The following FAM209A variants were observed in gnomAD, a reference collection of about 807,000 sequenced individuals.
The protein encoded by FAM209A is family with sequence similarity 209 member A.
Under a neutral mutation model 9.8 loss-of-function variants are expected in FAM209A, and 4 were observed. The observed-to-expected ratio is 0.41, with a 90% CI of 0.20 to 0.94. The LOEUF is 0.94. FAM209A is among the 40% of genes least tolerant of loss of function. The pLI, the probability that FAM209A is intolerant of heterozygous loss-of-function variation, is 0.32. For synonymous variants in FAM209A, 55 were observed against 77.8 expected (o/e 0.71, Z 1.54); for missense variants, 205 against 209.4 (o/e 0.98, Z 0.13).
At position 56,524,942 on chromosome 20, in the gene FAM209A, G is replaced by C. The variant is rs149614912; in HGVS notation, c.134G>C (p.Arg45Pro). Residue 45 changes from arginine (R) to proline (P), a missense_variant, in exon 1 of 2, where the codon CGG (arginine) becomes CCG (proline). By Grantham distance (103) the Arg-to-Pro change is moderately radical (BLOSUM62 -2). Transcript: ENST00000371328. ...CAATACGGAGAGCACTTTCGGATTC[G>C]GCAGAATCTACCAGAGCACACCCAA... ...KVQYGEHFRI[R>P]QNLPEHTQGW... The C allele has an allele frequency of 6.2e-7, 1 of 1,614,060 alleles. No homozygotes were observed. Among genetic ancestry groups the C allele is most frequent in the African/African-American group, 1.3e-5 (1 of 74,924 alleles).
chr20:56,525,981 A>G lies in FAM209A; in HGVS notation c.427A>G (p.Ser143Gly), dbSNP rs1985514504. The G allele has an allele frequency of 6.2e-7, 1 of 1,614,232 alleles. No individual in the cohort carries two copies. The highest frequency in any genetic ancestry group is 1.3e-5 in the African/African-American group (1 of 75,066). The change falls in exon 2 of 2, where the codon AGT becomes GGT. Residue 143 changes from serine (S) to glycine (G), a missense_variant. Ser to Gly is a moderately conservative substitution (Grantham distance 56, BLOSUM62 0). Coordinates refer to ENST00000371328, the MANE Select transcript of FAM209A (RefSeq NM_001012971.4). ...ACGTGCCATGGCAACAGGTAGTGGC[A>G]GTAACCTCAGGCTTCGAAAGTCAGA... The part of the protein sequence containing the change: ...LKRAMATGSG[S>G]NLRLRKSEMP...
downstream of FAM209A, among the ~76,000 whole-genome samples, chr20:56,528,178 G>A (rs573288683): frequency 6.6e-6 from 1 of 152,156 alleles, no homozygotes; most frequent in Non-Finnish European, 1.5e-5. Context: ...AGCTACTTGG[G>A]AGGCTAAGGT....
At chr20:56,532,098 C>T in the FAM209A span, among the ~76,000 whole-genome samples, 3 of 151,688 alleles carry the variant, frequency 2.0e-5, no homozygotes, top group African/African-American at 7.3e-5. Flanking sequence ...TCTCAGCCTC[C>T]CAAGTAGCTG....
downstream of FAM209A, among the ~76,000 whole-genome samples, chr20:56,527,581 C>A (rs769243379): frequency 6.6e-6 from 1 of 152,230 alleles, no homozygotes; most frequent in African/African-American, 2.4e-5. Context: ...ACCCAGTTGA[C>A]CAGTGCTGTC....
chr20:56,526,692 G>C (rs539878944), downstream of FAM209A, among the ~76,000 whole-genome samples: 1 of 149,776 alleles, frequency 6.7e-6, no homozygotes, highest in Admixed American at 6.7e-5. Context: ...GCTCAAACCC[G>C]GGAGGCAGAG....
chr20:56,529,882 G>A (rs1262383069), downstream of FAM209A, among the ~76,000 whole-genome samples: 1 of 152,042 alleles, frequency 6.6e-6, no homozygotes, highest in East Asian at 1.9e-4. Context: ...TTAGGCAGGC[G>A]TGATGGCATG....
chr20:56,524,843 T>G lies in FAM209A; in HGVS notation c.35T>G (p.Leu12Arg), dbSNP rs1985449213. 6.2e-7 allele frequency: 1 copy of G among 1,614,228 alleles called. No homozygotes were observed. Among genetic ancestry groups the G allele is most frequent in the East Asian group, 2.2e-5 (1 of 44,882 alleles). Residue 12 changes from leucine to arginine, a missense_variant, in exon 1 of 2, where the codon CTG becomes CGG. Coordinates refer to ENST00000371328, the MANE Select transcript of FAM209A (RefSeq NM_001012971.4). ...WTLKSSLVLL[L>R]CLTCSYAFMF... ...CTGAAATCGTCCCTGGTCCTGCTTC[T>G]GTGCCTCACCTGCAGCTATGCCTTT...
chr20:56,526,322 G>A (rs57380387), downstream of FAM209A, among the ~76,000 whole-genome samples: 49 of 152,276 alleles, frequency 3.2e-4, no homozygotes, highest in African/African-American at 4.1e-4. Context: ...TGATGAGCTC[G>A]TGCTTCTGTT....
chr20:56,524,828 C>T lies in FAM209A; in HGVS notation c.20C>T (p.Ser7Phe), dbSNP rs137897901. ...CTCACCATGTGGACGCTGAAATCGT[C>T]CCTGGTCCTGCTTCTGTGCCTCACC... MWTLKS[S>F]LVLLLCLTCS... is the part of the protein sequence containing the mutation. The change falls in exon 1 of 2, where the codon TCC (serine) becomes TTC (phenylalanine). Residue 7 changes from serine (S) to phenylalanine (F), a missense_variant. Physicochemically the swap from Ser to Phe is radical, Grantham distance 155. Coordinates refer to ENST00000371328, the MANE Select transcript of FAM209A (RefSeq NM_001012971.4). 1.5e-4 allele frequency: 247 copies of T among 1,614,082 alleles called. No homozygotes were observed. The highest frequency in any genetic ancestry group is 1.8e-4 in the Non-Finnish European group (210 of 1,180,034).
downstream of FAM209A, among the ~76,000 whole-genome samples, chr20:56,527,162 C>G (rs1985562742): frequency 6.6e-6 from 1 of 151,800 alleles, no homozygotes; most frequent in Non-Finnish European, 1.5e-5. Context: ...AAGAGCTGTT[C>G]CTTCGCCGAT....
chr20:56,533,528 C>T, the FAM209A span: 2 of 1,614,054 alleles, frequency 1.2e-6, no homozygotes, highest in African/African-American at 2.7e-5. Context: ...ATGGCTCTGG[C>T]TTTTGTTTGC....
At chr20:56,530,402 G>A (rs1449767736), downstream of FAM209A, among the ~76,000 whole-genome samples, 1 of 152,178 alleles carries the variant, frequency 6.6e-6, no homozygotes. Flanking sequence ...GTTGATAAGG[G>A]CCAGATCAGA....
downstream of FAM209A, among the ~76,000 whole-genome samples, chr20:56,530,031 C>T (rs1004691195): frequency 3.9e-5 from 6 of 151,954 alleles, no homozygotes; most frequent in South Asian, 2.1e-4. Flanking sequence ...AAAACAACAA[C>T]GACAACAAAA....
chr20:56,533,336 C>A, the FAM209A span: 1 of 1,613,718 alleles, frequency 6.2e-7, no homozygotes, highest in Non-Finnish European at 8.5e-7. Flanking sequence ...CCCATCTCTG[C>A]TCACCATGTG....
rs756101112 is a variant in FAM209A at position 56,525,813 on chromosome 20, C to A, written c.259C>A (p.Pro87Thr). The A allele has an allele frequency of 6.2e-7, 1 of 1,613,878 alleles. No individual in the cohort carries two copies. Among genetic ancestry groups the A allele is most frequent in the South Asian group, 1.1e-5 (1 of 91,038 alleles). The change falls in exon 2 of 2, where the codon CCT (proline) becomes ACT (threonine). Residue 87 changes from proline to threonine, a missense_variant. Pro to Thr is a conservative substitution (Grantham distance 38, BLOSUM62 -1). Coordinates refer to ENST00000371328, the MANE Select transcript of FAM209A (RefSeq NM_001012971.4). ...RDSEKNKEQS[P>T]PGLRGGQLHS... ...GTATCTTTCCTGACAGGAGCAGAGT[C>A]CTCCTGGCCTTCGAGGCGGCCAACT...
chr20:56,532,540 G>C, the FAM209A span, among the ~76,000 whole-genome samples: 2 of 141,698 alleles, frequency 1.4e-5, no homozygotes, highest in East Asian at 4.8e-4. Flanking sequence ...CTGGAGTGCA[G>C]TGGCGTGATC....
At chr20:56,527,728 G>A (rs1295394652), downstream of FAM209A, among the ~76,000 whole-genome samples, 2 of 152,222 alleles carry the variant, frequency 1.3e-5, no homozygotes, top group African/African-American at 4.8e-5. Flanking sequence ...TGGGGCCTCA[G>A]GGGAAGGAGG....
chr20:56,524,782 C>T lies in FAM209A; in HGVS notation c.-27C>T, dbSNP rs780751071. On this transcript the variant is annotated 5_prime_UTR_variant, in exon 1 of 2. Coordinates refer to ENST00000371328, the MANE Select transcript of FAM209A (RefSeq NM_001012971.4). Reference sequence around the variant, plus strand: ...CGAGGGCAAGCAAACCCGTCATGAGCAACTCCCTTCCCCATCTCTGCTCAC... The same window carrying T: ...CGAGGGCAAGCAAACCCGTCATGAGTAACTCCCTTCCCCATCTCTGCTCAC... The T allele has an allele frequency of 1.2e-6, 2 of 1,612,122 alleles. No homozygotes were observed. Among genetic ancestry groups the T allele is most frequent in the African/African-American group, 1.3e-5 (1 of 75,026 alleles).
At chr20:56,525,443 A>C (rs1389496482) in intron 1 of FAM209A, among the ~76,000 whole-genome samples, 1 of 152,218 alleles carries the variant, frequency 6.6e-6, no homozygotes, top group Non-Finnish European at 1.5e-5. Flanking sequence ...ATCCTGAGCT[A>C]AATGGAAATG....
Sources: gnomAD v4.1 joint callset for allele counts (sites outside exome capture counted in the v4.1 genomes callset) on GRCh38, gnomAD v4.1.1 for gene constraint, MANE v1.5 for transcripts, NCBI Gene and HGNC (gene_info 2026-07-23, HGNC 2026-07-21) for gene names.